PITPNC1: variants seen among roughly 807,000 people sequenced by gnomAD.
The protein encoded by PITPNC1 is phosphatidylinositol transfer protein cytoplasmic 1, also known as cytoplasmic phosphatidylinositol transfer protein 1.
A neutral mutation model predicts 44.7 loss-of-function variants in PITPNC1; 18 were observed. That is an observed-to-expected ratio of 0.40 (90% CI 0.28 to 0.60). The LOEUF (loss-of-function observed/expected upper bound fraction) is 0.60, where lower values mean the gene tolerates loss of function less well. Ranked by LOEUF, PITPNC1 falls within the 20% of genes least tolerant of loss-of-function variation. PITPNC1 has a pLI of 0.39. For synonymous variants in PITPNC1, 141 were observed against 149.6 expected (o/e 0.94, Z 0.42); for missense variants, 290 against 418.4 (o/e 0.69, Z 2.68).
intron 1 of PITPNC1, among the ~76,000 whole-genome samples, chr17:67,485,633 C>T (rs538760562): frequency 1.3e-5 from 2 of 152,068 alleles, no homozygotes; most frequent in Non-Finnish European, 1.5e-5. Flanking sequence ...TGGTCTCAGC[C>T]GCCGCACCCG....
chr17:67,578,746 C>T (rs1208913066), intron 5 of PITPNC1, among the ~76,000 whole-genome samples: 1 of 152,224 alleles, frequency 6.6e-6, no homozygotes, highest in African/African-American at 2.4e-5. Flanking sequence ...CTCTGGGAGG[C>T]TGAGGCAGGC....
intron 6 of PITPNC1, among the ~76,000 whole-genome samples, chr17:67,634,845 G>A (rs1284276675): frequency 6.6e-6 from 1 of 152,180 alleles, no homozygotes; most frequent in Non-Finnish European, 1.5e-5. Context: ...CTGAGGTCAG[G>A]AGTTTGAGAC....
At chr17:67,513,176 C>T (rs2040209794) in intron 1 of PITPNC1, among the ~76,000 whole-genome samples, 1 of 151,956 alleles carries the variant, frequency 6.6e-6, no homozygotes, top group South Asian at 2.1e-4. Flanking sequence ...CCAGCCTGGT[C>T]AACAAGGCGA....
intron 1 of PITPNC1, among the ~76,000 whole-genome samples, chr17:67,443,035 C>T (rs947386800): frequency 4.6e-5 from 7 of 151,992 alleles, no homozygotes; most frequent in African/African-American, 1.7e-4. Context: ...TCCTAACAGA[C>T]GACCAGTGAT....
intron 1 of PITPNC1, among the ~76,000 whole-genome samples, chr17:67,389,037 T>C (rs2038097645): frequency 6.6e-6 from 1 of 152,262 alleles, no homozygotes; most frequent in Non-Finnish European, 1.5e-5. Flanking sequence ...GCTCAGGGTC[T>C]CATAAAGCTG....
chr17:67,585,619 G>A (rs1400316401), intron 5 of PITPNC1, among the ~76,000 whole-genome samples: 1 of 151,988 alleles, frequency 6.6e-6, no homozygotes, highest in Non-Finnish European at 1.5e-5. Flanking sequence ...CCTGAGCAAC[G>A]TGGCAAAACC....
At chr17:67,558,776 A>T (rs903321131) in intron 4 of PITPNC1, among the ~76,000 whole-genome samples, 1 of 152,192 alleles carries the variant, frequency 6.6e-6, no homozygotes, top group Non-Finnish European at 1.5e-5. Flanking sequence ...CAACATTTTA[A>T]ATTATTTAGA....
intron 1 of PITPNC1, among the ~76,000 whole-genome samples, chr17:67,466,312 C>A (rs1278716667): frequency 6.6e-6 from 1 of 152,100 alleles, no homozygotes; most frequent in Non-Finnish European, 1.5e-5. Flanking sequence ...CAGGTGTGAG[C>A]CACTGGGCTG....
chr17:67,378,666 C>T (rs1057302513), intron 1 of PITPNC1, among the ~76,000 whole-genome samples: 15 of 152,266 alleles, frequency 9.9e-5, no homozygotes, highest in Non-Finnish European at 1.3e-4. Flanking sequence ...GCCCCGAGCC[C>T]CGCGGGAGGA....
intron 6 of PITPNC1, 45 bp from the exon 7 acceptor site, chr17:67,669,463 G>C (rs2042477103): frequency 1.5e-6 from 2 of 1,339,886 alleles, no homozygotes; most frequent in Non-Finnish European, 2.1e-6. Context: ...AATAATGATG[G>C]TCAAACTTTT....
In PITPNC1 at chr17:67,675,461, CCTT is replaced by C; in HGVS notation, c.619-14_619-12del. 3 of 1,571,682 alleles carry C rather than the reference CCTT, an allele frequency of 1.9e-6. No homozygotes were observed. The highest frequency in any genetic ancestry group is 1.3e-5 in the African/African-American group (1 of 74,230). On this transcript the variant is annotated splice_polypyrimidine_tract_variant and intron_variant, in intron 7 of 8. Transcript: ENST00000581322. ...ATCAAAGATGCTATTATTTCAGTCT[CCTT>C]CTTTTACTTTTTAGGTGGTCCGAGA...
At chr17:67,557,112 A>G (rs1568039401) in intron 4 of PITPNC1, among the ~76,000 whole-genome samples, 1 of 152,182 alleles carries the variant, frequency 6.6e-6, no homozygotes, top group Admixed American at 6.5e-5. Context: ...TCACAGTTGC[A>G]GAAGCTGAAA....
intron 6 of PITPNC1, among the ~76,000 whole-genome samples, chr17:67,636,844 C>T (rs61143385): frequency 0.031 from 4,794 of 152,198 alleles, 254 homozygotes; most frequent in African/African-American, 0.11. Context: ...CTAACTGGCA[C>T]ACTGTAGATA....
chr17:67,508,613 C>T lies in PITPNC1; in HGVS notation c.49-24189C>T, dbSNP rs2040137492. 6.6e-6 allele frequency among the ~76,000 whole-genome samples: 1 copy of T among 152,160 alleles called. No individual in the cohort carries two copies. Among genetic ancestry groups the T allele is most frequent in the South Asian group, 2.1e-4 (1 of 4,824 alleles). ...GCCTTAACTCTCTGGGAATGCAGCCCAGTAGATCTCAGCCTCATTTTACTC... is the reference window on the plus strand; with the variant it reads ...GCCTTAACTCTCTGGGAATGCAGCCTAGTAGATCTCAGCCTCATTTTACTC... On this transcript the variant is annotated intron_variant, in intron 1 of 8. Transcript: ENST00000581322. The surrounding 1 kb of genome is among the most constrained non-coding windows in gnomAD (Gnocchi z 4.2).
At chr17:67,454,048 G>C (rs532158794) in intron 1 of PITPNC1, among the ~76,000 whole-genome samples, 90 of 152,120 alleles carry the variant, frequency 5.9e-4, no homozygotes, top group African/African-American at 2.1e-3. Context: ...GTCAGGAGTT[G>C]GAGACCACCC....
intron 8 of PITPNC1, among the ~76,000 whole-genome samples, chr17:67,686,161 G>A (rs1465326141): frequency 2.7e-5 from 4 of 150,926 alleles, no homozygotes; most frequent in Non-Finnish European, 5.9e-5. Flanking sequence ...ATTAAGACAG[G>A]GTTTCTCAAC....
At chr17:67,399,465 G>C (rs964950153) in intron 1 of PITPNC1, among the ~76,000 whole-genome samples, 11 of 152,166 alleles carry the variant, frequency 7.2e-5, no homozygotes, top group Non-Finnish European at 1.5e-5. Context: ...GGGCAAATGC[G>C]TTGTTGATGT....
intron 1 of PITPNC1, among the ~76,000 whole-genome samples, chr17:67,441,276 AG>A (rs1036380121): frequency 1.5e-5 from 2 of 137,786 alleles, no homozygotes; most frequent in African/African-American, 2.7e-5. Flanking sequence ...GTATTTATTA[AG>A]CCCCCCCCCG....
chr17:67,432,458 T>C (rs2117055), intron 1 of PITPNC1, among the ~76,000 whole-genome samples: 105,934 of 152,052 alleles, frequency 0.7, 37,335 homozygotes, highest in Middle Eastern at 0.78. Context: ...GAGCCGAGAT[T>C]GCACCACTGC....
Sources: gnomAD v4.1 joint callset for allele counts (sites outside exome capture counted in the v4.1 genomes callset) on GRCh38, gnomAD v4.1.1 for gene constraint, Gnocchi (gnomAD v3.1) non-coding constraint, MANE v1.5 for transcripts, NCBI Gene and HGNC (gene_info 2026-07-23, HGNC 2026-07-21) for gene names.